Variants in GPC6 observed in about 807,000 individuals in gnomAD.
The protein encoded by GPC6 is glypican 6, also known as glypican-6.
Under a neutral mutation model 55.2 loss-of-function variants are expected in GPC6, and 14 were observed. That is an observed-to-expected ratio of 0.25 (90% confidence interval 0.17 to 0.40). The LOEUF (loss-of-function observed/expected upper bound fraction) is 0.40. Among genes scored for constraint, GPC6 ranks in the 10% least tolerant of loss-of-function variants. The pLI is 1.00. For synonymous variants in GPC6, 278 were observed against 259.6 expected, an observed-to-expected ratio of 1.07 and a Z score of -0.68; for missense variants, 641 against 708.5, an observed-to-expected ratio of 0.90 and a Z score of 1.08.
intron 2 of GPC6, among the ~76,000 whole-genome samples, chr13:93,620,423 A>G (rs1878899823): frequency 6.6e-6 from 1 of 152,324 alleles, no homozygotes; most frequent in African/African-American, 2.4e-5. Flanking sequence ...AGTTTAAATC[A>G]TATCAGTTCA....
intron 4 of GPC6, among the ~76,000 whole-genome samples, chr13:94,130,241 C>T (rs764126278): frequency 6.6e-6 from 1 of 152,050 alleles, no homozygotes; most frequent in Non-Finnish European, 1.5e-5. Context: ...TTAACTTTTT[C>T]TGTATCAAAA....
At chr13:94,284,868 A>T (rs1242988521) in intron 4 of GPC6, among the ~76,000 whole-genome samples, 6 of 112,320 alleles carry the variant, frequency 5.3e-5, no homozygotes, top group Admixed American at 8.8e-5. Flanking sequence ...TGGATAATAA[A>T]AAAAAAAAAA....
At chr13:93,870,503 G>A (rs897106216) in intron 3 of GPC6, among the ~76,000 whole-genome samples, 1 of 151,778 alleles carries the variant, frequency 6.6e-6, no homozygotes, top group Non-Finnish European at 1.5e-5. Context: ...ATATATTGCT[G>A]CATAACCAGG....
intron 2 of GPC6, among the ~76,000 whole-genome samples, chr13:93,565,627 A>G (rs1205676742): frequency 6.6e-6 from 1 of 152,156 alleles, no homozygotes; most frequent in Non-Finnish European, 1.5e-5. Flanking sequence ...AGACTCCTTA[A>G]AAACACATCT....
At chr13:93,362,556 TGTGAG>T (rs1881078812) in intron 1 of GPC6, among the ~76,000 whole-genome samples, 1 of 152,168 alleles carries the variant, frequency 6.6e-6, no homozygotes, top group African/African-American at 2.4e-5. Flanking sequence ...AAAACATAAC[TGTGAG>T]ATGGAGTTCT....
At chr13:94,171,278 AC>A (rs1157210603) in intron 4 of GPC6, among the ~76,000 whole-genome samples, 10 of 152,306 alleles carry the variant, frequency 6.6e-5, no homozygotes, top group Admixed American at 6.5e-4. Flanking sequence ...TACACGCAAG[AC>A]CATTGAAAAC....
intron 1 of GPC6, among the ~76,000 whole-genome samples, chr13:93,260,374 C>A (rs1877101652): frequency 6.6e-6 from 1 of 152,068 alleles, no homozygotes; most frequent in Admixed American, 6.6e-5. Flanking sequence ...GGCCTTTCAA[C>A]TGAGTTCTAT....
At chr13:93,471,036 T>C (rs1470882689) in intron 1 of GPC6, among the ~76,000 whole-genome samples, 5 of 152,322 alleles carry the variant, frequency 3.3e-5, no homozygotes, top group African/African-American at 7.2e-5. Context: ...TTTACCAATT[T>C]TGTTGATTTT....
chr13:93,921,743 G>T (rs562490393), intron 3 of GPC6, among the ~76,000 whole-genome samples: 1 of 151,704 alleles, frequency 6.6e-6, no homozygotes, highest in East Asian at 2.0e-4. Context: ...GGCAGCATTT[G>T]GGTGTGAAAA....
intron 8 of GPC6, among the ~76,000 whole-genome samples, chr13:94,400,348 G>A (rs935822255): frequency 6.6e-6 from 1 of 152,058 alleles, no homozygotes; most frequent in African/African-American, 2.4e-5. Flanking sequence ...AAAATCTCCT[G>A]TCATATTTGC....
intron 2 of GPC6, among the ~76,000 whole-genome samples, chr13:93,737,279 C>T (rs185708588): frequency 1.1e-4 from 16 of 152,114 alleles, no homozygotes; most frequent in African/African-American, 2.6e-4. Context: ...TAGTGGCCTG[C>T]GAGGACCTTT....
At chr13:94,346,184 G>A (rs1042299230) in intron 6 of GPC6, among the ~76,000 whole-genome samples, 9 of 152,142 alleles carry the variant, frequency 5.9e-5, no homozygotes, top group Admixed American at 2.0e-4. Context: ...CTGCAAAGAC[G>A]TTATTTCTCA....
At chr13:94,179,290 TCTC>T (rs1201961641) in intron 4 of GPC6, among the ~76,000 whole-genome samples, 3 of 152,166 alleles carry the variant, frequency 2.0e-5, no homozygotes, top group African/African-American at 7.2e-5. Flanking sequence ...CTGTACACCA[TCTC>T]CTCAGAAATC....
At chr13:94,191,010 C>A (rs1001134719) in intron 4 of GPC6, among the ~76,000 whole-genome samples, 1 of 151,986 alleles carries the variant, frequency 6.6e-6, no homozygotes, top group Non-Finnish European at 1.5e-5. Context: ...AAAATGTTAA[C>A]AATAGGTGAT....
chr13:93,242,911 G>A (rs905012568), intron 1 of GPC6, among the ~76,000 whole-genome samples: 3 of 152,098 alleles, frequency 2.0e-5, no homozygotes, highest in African/African-American at 7.2e-5. Context: ...TGTCTACAAG[G>A]GATCCTGTGA....
At chr13:93,396,035 A>G (rs1875842891) in intron 1 of GPC6, among the ~76,000 whole-genome samples, 2 of 152,310 alleles carry the variant, frequency 1.3e-5, no homozygotes, top group South Asian at 4.1e-4. Flanking sequence ...CTTTACACCT[A>G]CTTTATATCC....
intron 2 of GPC6, among the ~76,000 whole-genome samples, chr13:93,788,423 C>G (rs564357564): frequency 1.3e-5 from 2 of 151,906 alleles, no homozygotes; most frequent in Non-Finnish European, 2.9e-5. Flanking sequence ...TACCTGAATT[C>G]TGGAGGGGAC....
At chr13:93,813,914 G>A (rs985868460) in intron 2 of GPC6, among the ~76,000 whole-genome samples, 1 of 151,522 alleles carries the variant, frequency 6.6e-6, no homozygotes, top group Non-Finnish European at 1.5e-5. Context: ...TGTGTGCAGT[G>A]GTATATAATT....
chr13:94,356,160 C>T (rs1878783947), intron 6 of GPC6, among the ~76,000 whole-genome samples: 1 of 152,196 alleles, frequency 6.6e-6, no homozygotes, highest in South Asian at 2.1e-4. Flanking sequence ...CCATGCTGTA[C>T]ATGTACCATA....
Sources: gnomAD v4.1 joint callset for allele counts (sites outside exome capture counted in the v4.1 genomes callset) on GRCh38, gnomAD v4.1.1 for gene constraint, MANE v1.5 for transcripts, NCBI Gene and HGNC (gene_info 2026-07-23, HGNC 2026-07-21) for gene names.